RYR2: variants seen among roughly 807,000 people sequenced by gnomAD.
RYR2 encodes ryanodine receptor 2.
Under a neutral mutation model 601.1 loss-of-function variants are expected in RYR2, and 227 were observed. The ratio of observed to expected loss-of-function variants is 0.38; its 90% CI spans 0.34 to 0.42. The LOEUF (loss-of-function observed/expected upper bound fraction) is 0.42. Among genes scored for constraint, RYR2 ranks in the 10% least tolerant of loss-of-function variants. The probability of loss-of-function intolerance (pLI) is 1.00; values close to 1 mark genes in which losing one functional copy is unlikely to be tolerated. For synonymous variants in RYR2, 2,223 were observed against 2,175.1 expected, an observed-to-expected ratio of 1.02 and a Z score of -0.61; for missense variants, 4,646 against 6,156.5, an observed-to-expected ratio of 0.75 and a Z score of 8.21.
In RYR2 at chr1:237,469,040, A is replaced by G. The variant is rs898775709; in HGVS notation, c.1613-52A>G. 71 of 1,485,424 alleles carry G rather than the reference A, an allele frequency of 4.8e-5. No individual in the cohort carries two copies. The African/African-American group carries it at 7.9e-4, about 16-fold the overall frequency. The allele number at this position is 1,485,424 out of a possible 1,614,324, so 92.0% of individuals were successfully genotyped here. A position where few individuals can be genotyped will look rare whatever the true frequency, so the allele number is the denominator to read the frequency against. On this transcript the variant is annotated intron_variant, in intron 16 of 104. Transcript: ENST00000366574. ...TAGGGCTGCATATTAGCTTATCTCAATTTTCGAGCTAGAAAATCACATAAA... is the reference window on the plus strand; with the variant it reads ...TAGGGCTGCATATTAGCTTATCTCAGTTTTCGAGCTAGAAAATCACATAAA...
At chr1:237,290,934 C>A (rs141570616) in intron 2 of RYR2, among the ~76,000 whole-genome samples, 1 of 152,172 alleles carries the variant, frequency 6.6e-6, no homozygotes, top group African/African-American at 2.4e-5. Context: ...ATTAAAGCTG[C>A]ATTCAAATTC....
chr1:237,316,904 C>G (rs1695168357), intron 2 of RYR2, among the ~76,000 whole-genome samples: 1 of 152,128 alleles, frequency 6.6e-6, no homozygotes, highest in Non-Finnish European at 1.5e-5. Flanking sequence ...AACCACAAAC[C>G]AATTCACTGT....
intron 1 of RYR2, among the ~76,000 whole-genome samples, chr1:237,043,496 AT>A (rs2148071265): frequency 6.6e-6 from 1 of 152,128 alleles, no homozygotes; most frequent in African/African-American, 2.4e-5. Context: ...CCTTTCTCTC[AT>A]TTGTTCGAAC....
chr1:237,701,870 G>C (rs1321695342), intron 65 of RYR2, 108 bp from the exon 66 acceptor site: 1 of 588,306 alleles, frequency 1.7e-6, no homozygotes, highest in Non-Finnish European at 3.1e-6. Flanking sequence ...TTCTTTTTAT[G>C]GATGAATAGT....
At chr1:237,384,231 ATATTTAT>A (rs1701793403) in intron 8 of RYR2, among the ~76,000 whole-genome samples, 1 of 152,174 alleles carries the variant, frequency 6.6e-6, no homozygotes, top group East Asian at 1.9e-4. Flanking sequence ...TGGTTCTCTC[ATATTTAT>A]TATTTATCTT....
chr1:237,352,951 G>A, intron 3 of RYR2: 2 of 449,888 alleles, frequency 4.4e-6, no homozygotes, highest in South Asian at 1.6e-5. Flanking sequence ...ACTTTCATGG[G>A]AAAGGCAAAA....
intron 42 of RYR2, among the ~76,000 whole-genome samples, chr1:237,631,948 T>G (rs1444132721): frequency 6.6e-6 from 1 of 151,984 alleles, no homozygotes; most frequent in Non-Finnish European, 1.5e-5. Flanking sequence ...TGTAGATTCT[T>G]AATGAGAATT....
At chr1:237,719,433 A>G (rs1689525504) in intron 73 of RYR2, among the ~76,000 whole-genome samples, 2 of 152,192 alleles carry the variant, frequency 1.3e-5, no homozygotes, top group South Asian at 4.1e-4. Context: ...TACAGAAAGT[A>G]TAACACGGGC....
At chr1:237,462,876 G>A (rs1189419368) in intron 16 of RYR2, among the ~76,000 whole-genome samples, 1 of 152,038 alleles carries the variant, frequency 6.6e-6, no homozygotes, top group Non-Finnish European at 1.5e-5. Context: ...GAAACGTATC[G>A]TATAAACAAG....
At chr1:237,264,184 A>C (rs982481766) in intron 1 of RYR2, among the ~76,000 whole-genome samples, 9 of 151,480 alleles carry the variant, frequency 5.9e-5, no homozygotes, top group Admixed American at 2.0e-4. Context: ...CCCCTCTTCC[A>C]CTGTCGCCAC....
intron 1 of RYR2, among the ~76,000 whole-genome samples, chr1:237,127,888 C>G (rs1439800641): frequency 6.6e-6 from 1 of 151,030 alleles, no homozygotes; most frequent in Non-Finnish European, 1.5e-5. Flanking sequence ...GGAGACGCTC[C>G]TCACTTTCCA....
At chr1:237,201,220 A>T (rs1681155499) in intron 1 of RYR2, among the ~76,000 whole-genome samples, 1 of 152,210 alleles carries the variant, frequency 6.6e-6, no homozygotes, top group African/African-American at 2.4e-5. Flanking sequence ...TGAATGAAGA[A>T]ATCAACGTCA....
chr1:237,251,356 C>T (rs979562532), intron 1 of RYR2, among the ~76,000 whole-genome samples: 2 of 152,110 alleles, frequency 1.3e-5, no homozygotes, highest in Non-Finnish European at 2.9e-5. Context: ...CTGAAATGGC[C>T]CTTGACCAGA....
chr1:237,741,504 G>A (rs1194335715), intron 79 of RYR2, among the ~76,000 whole-genome samples: 1 of 152,100 alleles, frequency 6.6e-6, no homozygotes, highest in East Asian at 1.9e-4. Context: ...ATAGCTATTG[G>A]TTAATGACCA....
intron 1 of RYR2, among the ~76,000 whole-genome samples, chr1:237,110,809 G>C (rs1669387390): frequency 6.6e-6 from 1 of 152,204 alleles, no homozygotes; most frequent in Admixed American, 6.5e-5. Flanking sequence ...AATTCAAACT[G>C]AAATATTCTA....
chr1:237,404,760 G>A (rs960848681), intron 10 of RYR2, among the ~76,000 whole-genome samples: 1 of 152,208 alleles, frequency 6.6e-6, no homozygotes, highest in Non-Finnish European at 1.5e-5. Flanking sequence ...TTCTCCCAGG[G>A]TAGTCCTGAA....
At chr1:237,528,789 A>G (rs984511326) in intron 24 of RYR2, among the ~76,000 whole-genome samples, 2 of 152,090 alleles carry the variant, frequency 1.3e-5, no homozygotes, top group African/African-American at 4.8e-5. Context: ...CATTCCTGGC[A>G]TGTCACACTG....
At chr1:237,492,898 A>AGGGAGGGG (rs1663565952) in intron 18 of RYR2, 56 bp from the exon 19 acceptor site, 1 of 1,175,136 alleles carries the variant, frequency 8.5e-7, no homozygotes, top group Non-Finnish European at 1.1e-6. Flanking sequence ...GGAGGGAGGG[A>AGGGAGGGG]GGGAGGGAAA....
In RYR2 at chr1:237,219,775, C is replaced by G. The variant is rs140028896; in HGVS notation, c.49-50722C>G. On this transcript the variant is annotated intron_variant, in intron 1 of 104. Transcript: ENST00000366574. ...TAGCTACTGAAATCCAGCATCAGAA[C>G]AAGAGATTACCATAAATTTGAAGAA... Among the ~76,000 whole-genome samples the G allele has an allele frequency of 3.3e-4, 51 of 152,290 alleles. 1 individual carries two copies. In the East Asian group the frequency reaches 7.2e-3, roughly 21 times the overall value.
Sources: gnomAD v4.1 joint callset for allele counts (sites outside exome capture counted in the v4.1 genomes callset) on GRCh38, gnomAD v4.1.1 for gene constraint, MANE v1.5 for transcripts, NCBI Gene and HGNC (gene_info 2026-07-23, HGNC 2026-07-21) for gene names.